The following GABRB3 variants were observed in gnomAD, a reference collection of about 807,000 sequenced individuals.
GABRB3 encodes gamma-aminobutyric acid type A receptor subunit beta3.
A neutral mutation model predicts 52.1 loss-of-function variants in GABRB3; 14 were observed. The ratio of observed to expected loss-of-function variants is 0.27; its 90% CI spans 0.18 to 0.42. The LOEUF is 0.42. Among genes scored for constraint, GABRB3 ranks in the 10% least tolerant of loss-of-function variants. The pLI is 1.00. For synonymous variants in GABRB3, 260 were observed against 232.3 expected, an observed-to-expected ratio of 1.12 and a Z score of -1.08; for missense variants, 307 against 609.1, an observed-to-expected ratio of 0.50 and a Z score of 5.22.
intron 3 of GABRB3, among the ~76,000 whole-genome samples, chr15:26,684,416 A>G (rs529675633): frequency 6.6e-6 from 1 of 152,294 alleles, no homozygotes; most frequent in African/African-American, 2.4e-5. Flanking sequence ...CACATATGGG[A>G]AGAAAAACGC....
At chr15:26,656,738 T>A (rs533952560) in intron 3 of GABRB3, among the ~76,000 whole-genome samples, 44 of 152,210 alleles carry the variant, frequency 2.9e-4, no homozygotes, top group African/African-American at 9.9e-4. Context: ...AATAGTTTCA[T>A]CCCCAAACCA....
intron 3 of GABRB3, among the ~76,000 whole-genome samples, chr15:26,650,559 C>G (rs1490326029): frequency 1.3e-5 from 2 of 151,866 alleles, no homozygotes; most frequent in African/African-American, 4.8e-5. Flanking sequence ...CCAGTGAAGC[C>G]CCACCTCCAA....
rs968241277 is a variant in GABRB3, at chr15:26,628,979, C to G, written c.241-7445G>C. 5.2e-6 allele frequency: 8 copies of G among 1,536,006 alleles called. No individual in the cohort carries two copies. In the African/African-American group the frequency reaches 9.6e-5, roughly 18 times the overall value. On this transcript the variant is annotated intron_variant, in intron 3 of 8. Transcript: ENST00000311550. ...GAGCCCGCGTCCCCGACTTTTACCT[C>G]TTCTGTCTGGTAGGTGGCCCACATG...
chr15:26,550,447 T>C (rs1041724915), intron 8 of GABRB3, among the ~76,000 whole-genome samples: 3 of 152,146 alleles, frequency 2.0e-5, no homozygotes, highest in African/African-American at 7.2e-5. Context: ...TGAGATATCA[T>C]CTCACCGCAG....
At chr15:26,680,138 T>C (rs1266065997) in intron 3 of GABRB3, among the ~76,000 whole-genome samples, 1 of 152,172 alleles carries the variant, frequency 6.6e-6, no homozygotes, top group Non-Finnish European at 1.5e-5. Flanking sequence ...CAGTCGAAGG[T>C]CCTGAAGAAG....
intron 3 of GABRB3, chr15:26,658,416 A>G (rs1478721812): frequency 1.3e-5 from 2 of 152,276 alleles, no homozygotes; most frequent in Non-Finnish European, 2.9e-5. Flanking sequence ...CTATCTAGGC[A>G]GCAGTCAAGA....
intron 3 of GABRB3, among the ~76,000 whole-genome samples, chr15:26,747,615 A>G (rs1323085129): frequency 1.3e-5 from 2 of 152,206 alleles, no homozygotes; most frequent in African/African-American, 4.8e-5. Flanking sequence ...AGAAGTTTTT[A>G]TATAAATTCT....
At chr15:26,655,245 A>G (rs1887330317) in intron 3 of GABRB3, among the ~76,000 whole-genome samples, 1 of 152,172 alleles carries the variant, frequency 6.6e-6, no homozygotes, top group African/African-American at 2.4e-5. Flanking sequence ...ATCTTTCCAC[A>G]TTCAAAATCC....
chr15:26,691,243 G>A lies in GABRB3; in HGVS notation c.241-69709C>T, dbSNP rs559670112. Among the ~76,000 whole-genome samples the A allele has an allele frequency of 2.0e-5, 3 of 152,018 alleles. No individual in the cohort carries two copies. In the East Asian group the frequency reaches 5.8e-4, roughly 30 times the overall value. ...CTCTTTTCCCCTTTTTAATATATGA[G>A]TTTTGTATATGAGTTTCTATGGTAA... is the stretch of plus-strand genomic sequence containing the variant. On this transcript the variant is annotated intron_variant, in intron 3 of 8. Coordinates refer to ENST00000311550, the MANE Select transcript of GABRB3 (RefSeq NM_000814.6).
intron 3 of GABRB3, among the ~76,000 whole-genome samples, chr15:26,720,037 G>T (rs557056255): frequency 3.3e-5 from 5 of 152,260 alleles, no homozygotes; most frequent in African/African-American, 1.2e-4. Flanking sequence ...CAAAAGAAGT[G>T]AAAATGGCCG....
At chr15:26,617,405 G>T (rs1236721183) in intron 4 of GABRB3, among the ~76,000 whole-genome samples, 3 of 151,606 alleles carry the variant, frequency 2.0e-5, no homozygotes, top group Admixed American at 6.5e-5. Context: ...CAGAACCAAA[G>T]AAAAAAACCA....
chr15:26,646,648 C>T (rs574464251), intron 3 of GABRB3, among the ~76,000 whole-genome samples: 93 of 152,186 alleles, frequency 6.1e-4, no homozygotes, highest in African/African-American at 2.2e-3. Flanking sequence ...AAAGTAGCTG[C>T]ATTATTTCAC....
chr15:26,670,603 C>T (rs1887868723), intron 3 of GABRB3, among the ~76,000 whole-genome samples: 1 of 152,176 alleles, frequency 6.6e-6, no homozygotes, highest in African/African-American at 2.4e-5. Context: ...CTTTCCATAC[C>T]CCGGCTGCAG....
chr15:26,682,343 C>T (rs925515016), intron 3 of GABRB3, among the ~76,000 whole-genome samples: 1 of 152,122 alleles, frequency 6.6e-6, no homozygotes, highest in Non-Finnish European at 1.5e-5. Flanking sequence ...GGAAAATGCC[C>T]GGGCGGGTTT....
intron 3 of GABRB3, chr15:26,629,156 G>A: frequency 6.6e-7 from 1 of 1,506,928 alleles, no homozygotes; most frequent in South Asian, 1.2e-5. Context: ...CAGGGGCGGA[G>A]TGTGGGGAGA....
intron 3 of GABRB3, among the ~76,000 whole-genome samples, chr15:26,689,196 C>G (rs576116203): frequency 3.9e-5 from 6 of 152,306 alleles, no homozygotes; most frequent in African/African-American, 1.4e-4. Context: ...TGGCTTCCTG[C>G]GACCTCCATC....
At chr15:26,712,926 T>C (rs1301940514) in intron 3 of GABRB3, among the ~76,000 whole-genome samples, 1 of 152,168 alleles carries the variant, frequency 6.6e-6, no homozygotes, top group Non-Finnish European at 1.5e-5. Flanking sequence ...AGCAGCACAC[T>C]GGGCTGCAGG....
At chr15:26,722,272 C>T (rs1206097834) in intron 3 of GABRB3, among the ~76,000 whole-genome samples, 3 of 152,088 alleles carry the variant, frequency 2.0e-5, no homozygotes, top group Non-Finnish European at 2.9e-5. Context: ...AACTATCTCA[C>T]GAAAGGGAGG....
At chr15:26,710,939 T>C (rs1889274392) in intron 3 of GABRB3, among the ~76,000 whole-genome samples, 1 of 152,024 alleles carries the variant, frequency 6.6e-6, no homozygotes, top group Non-Finnish European at 1.5e-5. Flanking sequence ...TGGGAGACTG[T>C]TTTTGACTTC....
Sources: allele counts gnomAD v4.1 joint callset (sites outside exome capture counted in the v4.1 genomes callset), GRCh38; gene constraint gnomAD v4.1.1; transcripts MANE v1.5; gene names NCBI Gene and HGNC (gene_info 2026-07-23, HGNC 2026-07-21).